LSAMP: variants seen among roughly 807,000 people sequenced by gnomAD.
LSAMP encodes limbic system associated membrane protein.
In LSAMP, 7 loss-of-function variants were observed where a neutral mutation model predicts 38.6. The observed-to-expected ratio is 0.18, with a 90% CI of 0.10 to 0.34. The LOEUF (loss-of-function observed/expected upper bound fraction) is 0.34, where lower values mean the gene tolerates loss of function less well. LSAMP is among the 10% of genes least tolerant of loss of function. LSAMP has a pLI of 1.00. For missense variants in LSAMP, 313 were observed against 420.0 expected, an observed-to-expected ratio of 0.75 and a Z score of 2.23; for synonymous variants, 154 against 166.8, an observed-to-expected ratio of 0.92 and a Z score of 0.59.
intron 3 of LSAMP, among the ~76,000 whole-genome samples, chr3:115,853,783 C>A (rs963318975): frequency 6.6e-6 from 1 of 152,174 alleles, no homozygotes. Context: ...TCCACTGTTA[C>A]ACGAGTTAGG....
intron 2 of LSAMP, among the ~76,000 whole-genome samples, chr3:116,026,658 C>T (rs1191750349): frequency 3.9e-5 from 6 of 152,128 alleles, no homozygotes; most frequent in African/African-American, 1.4e-4. Flanking sequence ...AACTTGGTTT[C>T]TATGAGGAAT....
chr3:116,385,327 T>C (rs542669379), intron 1 of LSAMP, among the ~76,000 whole-genome samples: 3 of 152,320 alleles, frequency 2.0e-5, no homozygotes, highest in Admixed American at 2.0e-4. Flanking sequence ...TAAAGTGTTA[T>C]GATTCTATGA....
At chr3:115,951,460 T>C (rs1938285525) in intron 3 of LSAMP, among the ~76,000 whole-genome samples, 1 of 152,052 alleles carries the variant, frequency 6.6e-6, no homozygotes, top group Admixed American at 6.6e-5. Context: ...GTGGGTGTGA[T>C]GGTTAATATT....
chr3:116,323,655 T>G (rs2047735404), intron 1 of LSAMP, among the ~76,000 whole-genome samples: 2 of 152,124 alleles, frequency 1.3e-5, no homozygotes, highest in African/African-American at 4.8e-5. Context: ...TCATAGGTTC[T>G]TGGAAAAGCA....
chr3:116,400,650 G>A (rs1416295686), intron 1 of LSAMP, among the ~76,000 whole-genome samples: 1 of 151,940 alleles, frequency 6.6e-6, no homozygotes, highest in Admixed American at 6.6e-5. Flanking sequence ...GTTAATTTTT[G>A]TATTTTTAGT....
intron 1 of LSAMP, among the ~76,000 whole-genome samples, chr3:116,297,856 T>C (rs1315296470): frequency 6.6e-6 from 1 of 152,204 alleles, no homozygotes; most frequent in African/African-American, 2.4e-5. Flanking sequence ...TATTTTAGTT[T>C]TGCTCATGTT....
intron 1 of LSAMP, among the ~76,000 whole-genome samples, chr3:116,147,686 G>C (rs929110574): frequency 6.6e-6 from 1 of 151,762 alleles, no homozygotes; most frequent in Non-Finnish European, 1.5e-5. Flanking sequence ...TAGTCCTCGG[G>C]TCCATTATCC....
intron 1 of LSAMP, among the ~76,000 whole-genome samples, chr3:116,357,780 C>A (rs537289367): frequency 6.6e-6 from 1 of 151,958 alleles, no homozygotes; most frequent in East Asian, 1.9e-4. Flanking sequence ...AATAAATAAA[C>A]CCTAAAAGGA....
At chr3:116,357,947 G>A (rs77833751) in intron 1 of LSAMP, among the ~76,000 whole-genome samples, 3,912 of 151,708 alleles carry the variant, frequency 0.026, 166 homozygotes, top group African/African-American at 0.086. Context: ...GAACACCTAG[G>A]TCTTAGGAAA....
At chr3:116,439,440 C>T (rs1576226949) in intron 1 of LSAMP, among the ~76,000 whole-genome samples, 1 of 151,714 alleles carries the variant, frequency 6.6e-6, no homozygotes, top group Middle Eastern at 3.4e-3. Flanking sequence ...CTCAGACTTA[C>T]CAGGGACCTA....
chr3:116,250,478 T>C (rs1311924371), intron 1 of LSAMP, among the ~76,000 whole-genome samples: 5 of 152,146 alleles, frequency 3.3e-5, no homozygotes, highest in Admixed American at 6.5e-5. Flanking sequence ...CATTTCTGTA[T>C]AGAAATTAAA....
chr3:116,364,408 A>T (rs1185864092), intron 1 of LSAMP, among the ~76,000 whole-genome samples: 1 of 20,662 alleles, frequency 4.8e-5, no homozygotes, highest in Non-Finnish European at 7.8e-5. Flanking sequence ...GGGTAGGAAG[A>T]ATCAATATCG....
intron 2 of LSAMP, among the ~76,000 whole-genome samples, chr3:116,027,618 T>C (rs1363007423): frequency 1.3e-5 from 2 of 152,214 alleles, no homozygotes; most frequent in East Asian, 1.9e-4. Context: ...TCTGCCTAGA[T>C]ACTCCTTTGG....
At chr3:116,208,515 T>C (rs1364432218) in intron 1 of LSAMP, among the ~76,000 whole-genome samples, 4 of 152,252 alleles carry the variant, frequency 2.6e-5, no homozygotes, top group African/African-American at 7.2e-5. Context: ...TTCTGTTTTT[T>C]CCCCATCTTT....
At chr3:116,154,795 A>G (rs955883441) in intron 1 of LSAMP, among the ~76,000 whole-genome samples, 3 of 152,132 alleles carry the variant, frequency 2.0e-5, no homozygotes, top group Admixed American at 6.5e-5. Context: ...ATATGAGACA[A>G]TTCTTTTGGG....
intron 1 of LSAMP, among the ~76,000 whole-genome samples, chr3:116,199,959 AATG>A (rs1383192623): frequency 2.6e-5 from 4 of 152,164 alleles, no homozygotes; most frequent in African/African-American, 4.8e-5. Context: ...ATGCTTGACA[AATG>A]ATACATATTT....
At chr3:116,306,195 A>G (rs2047483405) in intron 1 of LSAMP, among the ~76,000 whole-genome samples, 1 of 152,008 alleles carries the variant, frequency 6.6e-6, no homozygotes, top group African/African-American at 2.4e-5. Context: ...AGAGTGAAGG[A>G]ATTATTCTTA....
intron 1 of LSAMP, among the ~76,000 whole-genome samples, chr3:116,288,419 T>C (rs2047220101): frequency 6.6e-6 from 1 of 152,226 alleles, no homozygotes; most frequent in African/African-American, 2.4e-5. Flanking sequence ...TCCCCCATCA[T>C]GACCATTACA....
intron 1 of LSAMP, among the ~76,000 whole-genome samples, chr3:116,189,943 A>T (rs142434751): frequency 1.2e-3 from 183 of 152,340 alleles, no homozygotes; most frequent in African/African-American, 4.1e-3. Context: ...ACCTAGACTT[A>T]GTGATTCCAC....
Sources: gnomAD v4.1 joint callset for allele counts (sites outside exome capture counted in the v4.1 genomes callset) on GRCh38, gnomAD v4.1.1 for gene constraint, MANE v1.5 for transcripts, NCBI Gene and HGNC (gene_info 2026-07-23, HGNC 2026-07-21) for gene names.